The following NTM variants were observed in gnomAD, a reference collection of about 807,000 sequenced individuals.
NTM encodes neurotrimin.
Under a neutral mutation model 42.1 loss-of-function variants are expected in NTM, and 13 were observed. The observed-to-expected ratio is 0.31, with a 90% confidence interval of 0.20 to 0.49. The LOEUF (loss-of-function observed/expected upper bound fraction) is 0.49, where lower values mean the gene tolerates loss of function less well. NTM is among the 20% of genes least tolerant of loss of function. NTM has a pLI of 0.99. For synonymous variants in NTM, 187 were observed against 179.2 expected, an observed-to-expected ratio of 1.04 and a Z score of -0.35; for missense variants, 373 against 452.8, an observed-to-expected ratio of 0.82 and a Z score of 1.60.
intron 1 of NTM, among the ~76,000 whole-genome samples, chr11:131,890,420 C>G (rs2051142813): frequency 6.6e-6 from 1 of 152,184 alleles, no homozygotes; most frequent in Non-Finnish European, 1.5e-5. Flanking sequence ...TAATAACCAC[C>G]AGCAGCCTGC....
At chr11:131,783,317 A>G (rs185459089) in intron 1 of NTM, among the ~76,000 whole-genome samples, 84 of 152,298 alleles carry the variant, frequency 5.5e-4, no homozygotes, top group African/African-American at 1.9e-3. Flanking sequence ...GAGGAAATAT[A>G]AAGGAAATCT....
intron 1 of NTM, among the ~76,000 whole-genome samples, chr11:131,769,935 G>T (rs959792095): frequency 9.9e-5 from 15 of 152,156 alleles, no homozygotes; most frequent in Non-Finnish European, 2.2e-4. Context: ...TTGGCAGGCT[G>T]CTCGCCACCT....
At chr11:131,412,300 C>T (rs550372888) in intron 1 of NTM, among the ~76,000 whole-genome samples, 4 of 152,112 alleles carry the variant, frequency 2.6e-5, no homozygotes, top group Admixed American at 6.6e-5. Flanking sequence ...CCAGGATAGA[C>T]CAAGCCCCAG....
At chr11:131,835,703 T>C (rs541013565) in intron 1 of NTM, among the ~76,000 whole-genome samples, 3 of 152,308 alleles carry the variant, frequency 2.0e-5, no homozygotes, top group Admixed American at 6.5e-5. Context: ...AATCTCTCAT[T>C]GTTCCTCTCA....
intron 7 of NTM, among the ~76,000 whole-genome samples, chr11:132,322,267 C>A (rs2136295217): frequency 6.6e-6 from 1 of 152,118 alleles, no homozygotes; most frequent in Admixed American, 6.5e-5. Context: ...CATCAGTGTG[C>A]TGTATTCAGG....
intron 4 of NTM, among the ~76,000 whole-genome samples, chr11:132,248,878 A>G (rs1300759240): frequency 2.0e-5 from 3 of 152,224 alleles, no homozygotes; most frequent in African/African-American, 7.2e-5. Context: ...GGCACTGCAT[A>G]GGAAAGGGTG....
intron 1 of NTM, among the ~76,000 whole-genome samples, chr11:131,480,983 T>G (rs1468111443): frequency 6.6e-6 from 1 of 152,150 alleles, no homozygotes; most frequent in Non-Finnish European, 1.5e-5. Flanking sequence ...ATGAATCCAC[T>G]GGGCACAGTG....
At chr11:131,938,033 C>G (rs1296942465) in intron 2 of NTM, among the ~76,000 whole-genome samples, 1 of 152,166 alleles carries the variant, frequency 6.6e-6, no homozygotes, top group Non-Finnish European at 1.5e-5. Flanking sequence ...TTGTTCATTC[C>G]TTCAGTCATT....
chr11:132,025,127 G>A (rs932361425), intron 2 of NTM, among the ~76,000 whole-genome samples: 2 of 152,160 alleles, frequency 1.3e-5, no homozygotes, highest in African/African-American at 4.8e-5. Flanking sequence ...CTAGAAGGCT[G>A]AGCAGTGGGG....
At chr11:132,172,549 C>T (rs1031106909) in intron 3 of NTM, among the ~76,000 whole-genome samples, 5 of 152,176 alleles carry the variant, frequency 3.3e-5, no homozygotes, top group African/African-American at 9.7e-5. Flanking sequence ...GAGACTATTA[C>T]AATCTACTGA....
chr11:132,004,157 G>C lies in NTM; in HGVS notation c.167+92509G>C, dbSNP rs372385965. The stretch of plus-strand genomic sequence containing the variant: ...ATTTGTGTGTGTCAGGGGAATGAGG[G>C]GGGCATTGGGAGAGTAAAGATGGTG... On this transcript the variant is annotated intron_variant, in intron 2 of 8. Coordinates refer to ENST00000683400, the MANE Select transcript of NTM (RefSeq NM_001352005.2). Among the ~76,000 whole-genome samples, 161 of 152,254 alleles carry C rather than the reference G, an allele frequency of 1.1e-3. 2 individuals carry two copies. In the South Asian group the frequency reaches 0.033, roughly 31 times the overall value.
intron 2 of NTM, among the ~76,000 whole-genome samples, chr11:131,926,404 A>G (rs1018835332): frequency 6.6e-6 from 1 of 152,120 alleles, no homozygotes; most frequent in African/African-American, 2.4e-5. Context: ...CCTGGTGTGC[A>G]GGGAGGGGTA....
At chr11:132,311,575 C>T (rs1042229628) in intron 6 of NTM, among the ~76,000 whole-genome samples, 4 of 152,098 alleles carry the variant, frequency 2.6e-5, no homozygotes, top group Non-Finnish European at 2.9e-5. Context: ...TTCACTTATG[C>T]GTTTCCTCTT....
At chr11:131,739,883 G>A (rs1778944501) in intron 1 of NTM, among the ~76,000 whole-genome samples, 1 of 152,168 alleles carries the variant, frequency 6.6e-6, no homozygotes, top group Admixed American at 6.5e-5. Context: ...AAAACCATGA[G>A]CAAGGGGGCC....
chr11:131,630,878 A>G (rs2063586606), intron 1 of NTM, among the ~76,000 whole-genome samples: 1 of 152,192 alleles, frequency 6.6e-6, no homozygotes, highest in African/African-American at 2.4e-5. Flanking sequence ...TTTCCCTGTG[A>G]AAACTTAATT....
chr11:132,045,008 C>A (rs2135837127), intron 2 of NTM, among the ~76,000 whole-genome samples: 1 of 152,292 alleles, frequency 6.6e-6, no homozygotes, highest in Non-Finnish European at 1.5e-5. Flanking sequence ...AAGAAGGGGA[C>A]TTCTCCCTAA....
chr11:131,898,829 T>C (rs375147125), intron 1 of NTM, among the ~76,000 whole-genome samples: 1 of 152,194 alleles, frequency 6.6e-6, no homozygotes, highest in Non-Finnish European at 1.5e-5. Flanking sequence ...GGAAATGAAA[T>C]TGAAAAATAA....
intron 2 of NTM, among the ~76,000 whole-genome samples, chr11:132,044,136 G>GTA (rs2077627104): frequency 7.2e-6 from 1 of 138,222 alleles, no homozygotes; most frequent in Non-Finnish European, 1.5e-5. Flanking sequence ...ATATATGTGT[G>GTA]TGTGTATGTG....
chr11:131,705,114 A>G (rs1218043217), intron 1 of NTM, among the ~76,000 whole-genome samples: 1 of 152,220 alleles, frequency 6.6e-6, no homozygotes, highest in African/African-American at 2.4e-5. Flanking sequence ...TGAACATCCA[A>G]ATCCATGATT....
Sources: allele counts gnomAD v4.1 joint callset (sites outside exome capture counted in the v4.1 genomes callset), GRCh38; gene constraint gnomAD v4.1.1; transcripts MANE v1.5; gene names NCBI Gene and HGNC (gene_info 2026-07-23, HGNC 2026-07-21).